DNAAF11: variants seen among roughly 807,000 people sequenced by gnomAD.
DNAAF11 encodes the protein leucine rich repeat containing 6.
In DNAAF11, 45 loss-of-function variants were observed where a neutral mutation model predicts 60.8. The ratio of observed to expected loss-of-function variants is 0.74; its 90% CI spans 0.58 to 0.95. DNAAF11 has a LOEUF of 0.95. Ranked by LOEUF, DNAAF11 falls within the 40% of genes least tolerant of loss-of-function variation. The pLI is 0.00. For missense variants in DNAAF11, 546 were observed against 546.2 expected (o/e 1.00, Z 0.00); for synonymous variants, 191 against 183.5 (o/e 1.04, Z -0.33).
chr8:132,632,212 G>C (rs533845779), intron 5 of DNAAF11, among the ~76,000 whole-genome samples: 15 of 151,526 alleles, frequency 9.9e-5, no homozygotes, highest in Non-Finnish European at 1.9e-4. Context: ...TTCACTGTAT[G>C]GAATCAAATC....
intron 5 of DNAAF11, among the ~76,000 whole-genome samples, chr8:132,626,729 T>C (rs1043202506): frequency 6.6e-6 from 1 of 152,162 alleles, no homozygotes; most frequent in Non-Finnish European, 1.5e-5. Flanking sequence ...AGACACTTTA[T>C]TAGATGACAT....
chr8:132,701,506 G>A, the DNAAF11 span, among the ~76,000 whole-genome samples: 2 of 152,246 alleles, frequency 1.3e-5, no homozygotes, highest in Admixed American at 6.5e-5. Context: ...GGTGGGAAGG[G>A]CTACCTGGAG....
At chr8:132,586,584 G>T (rs559295407) in intron 10 of DNAAF11, among the ~76,000 whole-genome samples, 6 of 152,184 alleles carry the variant, frequency 3.9e-5, no homozygotes, top group African/African-American at 1.2e-4. Context: ...GGTCTTTTCA[G>T]TTCTGGAACT....
At chr8:132,602,898 C>T (rs1817776414) in intron 10 of DNAAF11, among the ~76,000 whole-genome samples, 1 of 152,066 alleles carries the variant, frequency 6.6e-6, no homozygotes, top group Admixed American at 6.6e-5. Context: ...AGACAACCTT[C>T]ACTCAAGCTC....
chr8:132,660,641 G>T lies in DNAAF11; in HGVS notation c.178+819C>A, dbSNP rs113685734. 3.7e-3 allele frequency among the ~76,000 whole-genome samples: 557 copies of T among 152,280 alleles called. 3 individuals carry two copies. Among genetic ancestry groups the T allele is most frequent in the African/African-American group, 0.013 (524 of 41,552 alleles). ...TTCTTCTGTGAGAGAAGTCAAGTGT[G>T]GTGGGGGAAGGAAGACCAATTTATC... On this transcript the variant is annotated intron_variant, in intron 2 of 11. Coordinates refer to ENST00000620350, the MANE Select transcript of DNAAF11 (RefSeq NM_012472.6).
At chr8:132,581,037 G>T (rs969158619) in intron 11 of DNAAF11, among the ~76,000 whole-genome samples, 1 of 152,144 alleles carries the variant, frequency 6.6e-6, no homozygotes, top group Admixed American at 6.5e-5. Flanking sequence ...GGTGGCCTTC[G>T]TAACAAATGT....
At chr8:132,617,076 T>A (rs1819239986) in intron 7 of DNAAF11, among the ~76,000 whole-genome samples, 1 of 152,116 alleles carries the variant, frequency 6.6e-6, no homozygotes, top group Non-Finnish European at 1.5e-5. Context: ...ACAATTATCT[T>A]TTAGAATAGA....
rs140450978 is a variant in DNAAF11 at position 132,665,834 on chromosome 8, A to G, written c.11-4207T>C. ...CAGCACTATTCACAATATCAAAGTA[A>G]TGTATTCAACCCAAGTCCCCATCAA... is the stretch of plus-strand genomic sequence containing the variant. On this transcript the variant is annotated intron_variant, in intron 1 of 11. Coordinates refer to ENST00000620350, the MANE Select transcript of DNAAF11 (RefSeq NM_012472.6). Among the ~76,000 whole-genome samples, 315 of 152,362 alleles carry G rather than the reference A, an allele frequency of 2.1e-3. 1 individual carries two copies. The highest frequency in any genetic ancestry group is 3.9e-3 in the Non-Finnish European group (263 of 68,038).
chr8:132,572,504 C>A, intron 11 of DNAAF11, 24 bp from the exon 12 acceptor site: 1 of 1,542,680 alleles, frequency 6.5e-7, no homozygotes, highest in Non-Finnish European at 8.8e-7. Flanking sequence ...AAAAGACAAA[C>A]AGAAACTGAT....
intron 1 of DNAAF11, among the ~76,000 whole-genome samples, chr8:132,670,391 C>G (rs1434776964): frequency 6.6e-6 from 1 of 152,046 alleles, no homozygotes; most frequent in African/African-American, 2.4e-5. Context: ...ACGGGTGAAT[C>G]CCTTAAAAGA....
At chr8:132,663,219 C>G (rs896964611) in intron 1 of DNAAF11, among the ~76,000 whole-genome samples, 1 of 152,192 alleles carries the variant, frequency 6.6e-6, no homozygotes, top group Non-Finnish European at 1.5e-5. Context: ...CACCATTCAG[C>G]TGTCCCTGGA....
upstream of DNAAF11, among the ~76,000 whole-genome samples, chr8:132,675,873 T>G (rs546456078): frequency 1.4e-4 from 22 of 152,326 alleles, 1 homozygote; most frequent in South Asian, 4.4e-3. Context: ...ACTTTTTCCT[T>G]TTTGTGTTTG....
intron 7 of DNAAF11, 90 bp downstream of exon 7, chr8:132,622,521 T>C: frequency 1.1e-6 from 1 of 945,916 alleles, no homozygotes; most frequent in Non-Finnish European, 1.7e-6. Context: ...AAATATTCTT[T>C]GCAGAGCAAA....
At chr8:132,593,646 C>T (rs1238731707) in intron 10 of DNAAF11, among the ~76,000 whole-genome samples, 1 of 151,572 alleles carries the variant, frequency 6.6e-6, no homozygotes, top group Non-Finnish European at 1.5e-5. Flanking sequence ...ATAAGAATTG[C>T]AGCCTTGAAG....
chr8:132,655,595 G>C (rs1586709257), intron 3 of DNAAF11, among the ~76,000 whole-genome samples: 1 of 152,048 alleles, frequency 6.6e-6, no homozygotes, highest in Admixed American at 6.6e-5. Flanking sequence ...AATATATAAA[G>C]AACACTTGCA....
chr8:132,664,433 C>A (rs1824428287), intron 1 of DNAAF11, among the ~76,000 whole-genome samples: 1 of 152,146 alleles, frequency 6.6e-6, no homozygotes, highest in Admixed American at 6.5e-5. Context: ...TACCAAATAT[C>A]CTTGTAGTAT....
intron 3 of DNAAF11, among the ~76,000 whole-genome samples, chr8:132,650,590 C>A (rs1822906213): frequency 6.6e-6 from 1 of 152,102 alleles, no homozygotes; most frequent in African/African-American, 2.4e-5. Flanking sequence ...AAAATGTAGG[C>A]TCAGGCACTA....
chr8:132,621,522 G>T (rs1386551872), intron 7 of DNAAF11, among the ~76,000 whole-genome samples: 1 of 152,132 alleles, frequency 6.6e-6, no homozygotes, highest in African/African-American at 2.4e-5. Context: ...CAGTGTGTGG[G>T]AAGAGTGGTG....
intron 4 of DNAAF11, among the ~76,000 whole-genome samples, chr8:132,635,584 A>G (rs1821214837): frequency 6.6e-6 from 1 of 152,198 alleles, no homozygotes; most frequent in Non-Finnish European, 1.5e-5. Context: ...CTATGTGACT[A>G]TCTAAAATAA....
Sources: allele counts gnomAD v4.1 joint callset (sites outside exome capture counted in the v4.1 genomes callset), GRCh38; gene constraint gnomAD v4.1.1; transcripts MANE v1.5; gene names NCBI Gene and HGNC (gene_info 2026-07-23, HGNC 2026-07-21).